KCNH1: variants seen among roughly 807,000 people sequenced by gnomAD.
KCNH1 encodes the protein potassium voltage-gated channel subfamily H member 1.
Under a neutral mutation model 69.2 loss-of-function variants are expected in KCNH1, and 27 were observed. That is an observed-to-expected ratio of 0.39 (90% CI 0.29 to 0.54). The LOEUF is 0.54. Among genes scored for constraint, KCNH1 ranks in the 20% least tolerant of loss-of-function variants. KCNH1 has a pLI of 0.68. For missense variants in KCNH1, 798 were observed against 1,261.6 expected (o/e 0.63, Z 5.57); for synonymous variants, 456 against 487.7 (o/e 0.93, Z 0.86).
intron 5 of KCNH1, among the ~76,000 whole-genome samples, chr1:211,035,204 CT>C (rs1172618407): frequency 6.9e-6 from 1 of 145,084 alleles, no homozygotes; most frequent in African/African-American, 2.6e-5. Context: ...AGGATGCAGC[CT>C]TTTACATTTA....
At chr1:211,111,521 G>A (rs1691461816) in intron 1 of KCNH1, among the ~76,000 whole-genome samples, 1 of 146,974 alleles carries the variant, frequency 6.8e-6, no homozygotes. Context: ...CCAAACTGCT[G>A]GTAAGTGAGG....
chr1:210,690,514 G>C (rs532998416), intron 10 of KCNH1, among the ~76,000 whole-genome samples: 1 of 152,172 alleles, frequency 6.6e-6, no homozygotes, highest in Non-Finnish European at 1.5e-5. Flanking sequence ...TTTTATGGCA[G>C]AGCATAAAAC....
chr1:210,995,418 G>A (rs1689011282), intron 6 of KCNH1, among the ~76,000 whole-genome samples: 1 of 152,102 alleles, frequency 6.6e-6, no homozygotes. Flanking sequence ...AATGCTGTGG[G>A]AAAAAATAAA....
At chr1:210,987,988 G>A (rs893129236) in intron 6 of KCNH1, among the ~76,000 whole-genome samples, 15 of 152,302 alleles carry the variant, frequency 9.8e-5, no homozygotes, top group Admixed American at 5.9e-4. Flanking sequence ...AATGGCAGGC[G>A]CCCCTCCCCC....
chr1:210,960,070 G>A (rs1688264210), intron 6 of KCNH1, among the ~76,000 whole-genome samples: 1 of 152,168 alleles, frequency 6.6e-6, no homozygotes, highest in South Asian at 2.1e-4. Flanking sequence ...TGCCAGAAAT[G>A]TTCTTTATCA....
At chr1:210,818,838 C>T (rs1294813894) in intron 7 of KCNH1, among the ~76,000 whole-genome samples, 3 of 152,128 alleles carry the variant, frequency 2.0e-5, no homozygotes, top group African/African-American at 7.2e-5. Flanking sequence ...TTAGAATCAC[C>T]AGAAAAGCTT....
intron 9 of KCNH1, among the ~76,000 whole-genome samples, chr1:210,776,131 T>C (rs1298075503): frequency 6.6e-6 from 1 of 152,182 alleles, no homozygotes; most frequent in Non-Finnish European, 1.5e-5. Context: ...TTCCTTTCTC[T>C]GGGATGATCC....
At chr1:210,895,132 T>C in intron 7 of KCNH1, among the ~76,000 whole-genome samples, 1 of 151,982 alleles carries the variant, frequency 6.6e-6, no homozygotes, top group Non-Finnish European at 1.5e-5. Context: ...TTTTATATAT[T>C]TTGTTAAGCT....
At position 210,976,666 on chromosome 1, in the gene KCNH1, C is replaced by A. The variant is rs1243951374; in HGVS notation, c.1032+42117G>T. On this transcript the variant is annotated intron_variant, in intron 6 of 10. Coordinates refer to ENST00000271751, the MANE Select transcript of KCNH1 (RefSeq NM_172362.3). ...GACACATGCACATGTATGTTTACTG[C>A]GGCACTATTCACAATAGCAAAGACT... is the stretch of plus-strand genomic sequence containing the variant. 3.4e-5 allele frequency among the ~76,000 whole-genome samples: 5 copies of A among 147,388 alleles called. No homozygotes were observed. The South Asian group carries it at 8.6e-4, about 25-fold the overall frequency.
chr1:211,038,371 G>T (rs919878207), intron 5 of KCNH1, among the ~76,000 whole-genome samples: 2 of 152,122 alleles, frequency 1.3e-5, no homozygotes, highest in African/African-American at 4.8e-5. Context: ...CCCAGTCTCA[G>T]GTATGTCTTT....
intron 9 of KCNH1, among the ~76,000 whole-genome samples, chr1:210,784,379 A>C (rs1684051911): frequency 6.6e-6 from 1 of 152,260 alleles, no homozygotes; most frequent in Non-Finnish European, 1.5e-5. Flanking sequence ...CAGATGTTAG[A>C]ACATACATCA....
chr1:211,077,166 A>T (rs1690750592), intron 5 of KCNH1, among the ~76,000 whole-genome samples: 1 of 152,210 alleles, frequency 6.6e-6, no homozygotes, highest in African/African-American at 2.4e-5. Flanking sequence ...GGAGAATGGA[A>T]CCAAGTTGGA....
chr1:210,834,003 T>G (rs897358229), intron 7 of KCNH1, among the ~76,000 whole-genome samples: 1 of 152,180 alleles, frequency 6.6e-6, no homozygotes, highest in Non-Finnish European at 1.5e-5. Flanking sequence ...TCACACCAGT[T>G]AGAATGGCAA....
intron 9 of KCNH1, among the ~76,000 whole-genome samples, chr1:210,778,530 C>CAAAAAA (rs10679033): frequency 1.5e-4 from 18 of 122,374 alleles, no homozygotes; most frequent in African/African-American, 2.1e-4. Context: ...GACTCTGTCT[C>CAAAAAA]AAAAAAAAAA....
At chr1:210,874,745 T>C (rs113093232) in intron 7 of KCNH1, among the ~76,000 whole-genome samples, 53 of 152,302 alleles carry the variant, frequency 3.5e-4, no homozygotes, top group African/African-American at 1.3e-3. Context: ...TATATCAGCA[T>C]AGCTATAATG....
At chr1:210,816,471 C>A (rs146025764) in intron 7 of KCNH1, among the ~76,000 whole-genome samples, 5 of 152,212 alleles carry the variant, frequency 3.3e-5, no homozygotes, top group Non-Finnish European at 7.3e-5. Flanking sequence ...TAGGCAATTA[C>A]TTCTGCAAAT....
intron 6 of KCNH1, among the ~76,000 whole-genome samples, chr1:210,945,281 A>C (rs1687937816): frequency 2.0e-5 from 3 of 152,168 alleles, no homozygotes; most frequent in South Asian, 4.1e-4. Context: ...TTGCTGTTTT[A>C]AACTAACTCT....
intron 10 of KCNH1, among the ~76,000 whole-genome samples, chr1:210,753,842 A>G (rs1228319850): frequency 2.0e-5 from 3 of 152,146 alleles, no homozygotes; most frequent in African/African-American, 7.2e-5. Flanking sequence ...AAACATACAC[A>G]AAGAACAATT....
intron 3 of KCNH1, 48 bp from the exon 4 acceptor site, chr1:211,090,738 A>C: frequency 6.4e-7 from 1 of 1,557,754 alleles, no homozygotes; most frequent in East Asian, 2.3e-5. Context: ...TTCTCATTTG[A>C]GGGGCTATGG....
Sources: allele counts gnomAD v4.1 joint callset (sites outside exome capture counted in the v4.1 genomes callset), GRCh38; gene constraint gnomAD v4.1.1; transcripts MANE v1.5; gene names NCBI Gene and HGNC (gene_info 2026-07-23, HGNC 2026-07-21).